SH3BP1: variants seen among roughly 807,000 people sequenced by gnomAD.
SH3BP1 encodes the protein SH3 domain-binding protein 1.
In SH3BP1, 46 loss-of-function variants were observed where a neutral mutation model predicts 69.8. The observed-to-expected ratio is 0.66, with a 90% CI of 0.52 to 0.84. The LOEUF is 0.84. Ranked by LOEUF, SH3BP1 falls within the 40% of genes least tolerant of loss-of-function variation. SH3BP1 has a pLI of 0.00. For synonymous variants in SH3BP1, 403 were observed against 378.0 expected (o/e 1.07, Z -0.77); for missense variants, 868 against 930.9 (o/e 0.93, Z 0.88).
In SH3BP1 at chr22:37,655,942, C is replaced by T. The variant is rs540967559; in HGVS notation, c.*258C>T. On this transcript the variant is annotated 3_prime_UTR_variant, in exon 18 of 18. Coordinates refer to ENST00000649765, the MANE Select transcript of SH3BP1 (RefSeq NM_018957.6). ...CTCCGGCAGGTCCTAGGGGAGCCAC[C>T]GGAAGGAAGGAGAGGTTTGCCTGCT... The T allele has an allele frequency of 6.4e-6, 10 of 1,561,596 alleles. No homozygotes were observed. Among genetic ancestry groups the T allele is most frequent in the Non-Finnish European group, 8.6e-6 (10 of 1,157,604 alleles).
chr22:37,643,215 G>A, intron 6 of SH3BP1, 41 bp downstream of exon 6: 1 of 1,542,240 alleles, frequency 6.5e-7, no homozygotes, highest in Non-Finnish European at 8.9e-7. Flanking sequence ...ATCTGGGTCA[G>A]CCCACAGAGA....
In SH3BP1 at chr22:37,655,375, T is replaced by C; in HGVS notation, c.1797T>C (p.Pro599=). Residue 599 remains proline, a synonymous_variant, in exon 18 of 18, where the codon CCT becomes CCC. Transcript: ENST00000649765. The part of the protein sequence containing the change: ...APPLPPGSGS[P]GTPQALPRRL... ...CCTTGCCCCCTGGCTCTGGCAGCCC[T>C]GGGACCCCCCAAGCCCTGCCCCGAC... The C allele has an allele frequency of 1.7e-6, 2 of 1,148,626 alleles. No individual in the cohort carries two copies. The highest frequency in any genetic ancestry group is 5.7e-5 in the East Asian group (1 of 17,694). 71.2% of individuals were successfully genotyped at this position (1,148,626 alleles called of 1,614,324 possible). A position where few individuals can be genotyped will look rare whatever the true frequency, so the allele number is the denominator to read the frequency against.
Position 37,639,841 on chromosome 22 carries a change from G to GGGAC in SH3BP1, c.57_59+1dup. On this transcript the variant is annotated frameshift_variant, in exon 1 of 18. Transcript: ENST00000649765. LOFTEE classifies it high-confidence loss of function. ...GGCAGCTGGCCCAGACGGGCAGCTT[G>GGGAC]GGACGGTGAGTGTCACCCGCTTCCA... The GGGAC allele has an allele frequency of 6.4e-7, 1 of 1,572,412 alleles. No individual in the cohort carries two copies. The highest frequency in any genetic ancestry group is 8.6e-7 in the Non-Finnish European group (1 of 1,161,404).
intron 16 of SH3BP1, among the ~76,000 whole-genome samples, chr22:37,650,973 G>C (rs571963436): frequency 6.6e-6 from 1 of 152,228 alleles, no homozygotes; most frequent in East Asian, 1.9e-4. Context: ...GCCAGGCTTT[G>C]TTTCCAGTCC....
rs1321553236 is a variant in SH3BP1 at position 37,648,671 on chromosome 22, G to A, written c.1316+236G>A. 2.0e-5 allele frequency: 9 copies of A among 460,404 alleles called. No individual in the cohort carries two copies. The East Asian group carries it at 3.1e-4, about 16-fold the overall frequency. 28.5% of individuals were successfully genotyped at this position (460,404 alleles called of 1,614,324 possible). A position where few individuals can be genotyped will look rare whatever the true frequency, so the allele number is the denominator to read the frequency against. ...GTGGTGATGAGGTGTTTAGTGGCAT[G>A]GGGGAGCTGGGAGCCCAGAGATCGG... is the stretch of plus-strand genomic sequence containing the variant. On this transcript the variant is annotated intron_variant, in intron 14 of 17. Transcript: ENST00000649765.
rs779076656 is a variant in SH3BP1 at position 37,645,391 on chromosome 22, C to T, written c.805C>T (p.His269Tyr). The T allele has an allele frequency of 3.1e-6, 5 of 1,611,330 alleles. No homozygotes were observed. The highest frequency in any genetic ancestry group is 3.4e-6 in the Non-Finnish European group (4 of 1,177,726). ...CCACTCCCCTTCGATGACAGCCACCCACTTCCCCAGGGTGTATGGGGTGTC... is the reference window on the plus strand; with the variant it reads ...CCACTCCCCTTCGATGACAGCCACCTACTTCCCCAGGGTGTATGGGGTGTC... ...ADHSPSMTAT[H>Y]FPRVYGVSLA... is the part of the protein sequence containing the mutation. The change falls in exon 10 of 18, where the codon CAC becomes TAC. Residue 269 changes from histidine (H) to tyrosine (Y), a missense_variant. Physicochemically the swap from His to Tyr is moderately conservative, Grantham distance 83. This residue lies in a region of SH3BP1 where 387 missense variants were observed against 447.9 expected (regional missense o/e 0.86). Transcript: ENST00000649765.
At chr22:37,648,498 T>C (rs1932822248) in intron 14 of SH3BP1, 63 bp downstream of exon 14, 2 of 1,146,942 alleles carry the variant, frequency 1.7e-6, no homozygotes, top group Non-Finnish European at 2.6e-6. Context: ...AACTATCTGT[T>C]GTCTATTTTT....
intron 6 of SH3BP1, chr22:37,643,435 T>C (rs1932686209): frequency 2.9e-6 from 2 of 700,246 alleles, no homozygotes; most frequent in African/African-American, 1.8e-5. Context: ...TGTTCTCCCC[T>C]CTGTGGAGTG....
intron 3 of SH3BP1, chr22:37,642,201 G>GC: frequency 5.8e-6 from 2 of 344,072 alleles, no homozygotes; most frequent in South Asian, 6.5e-5. Context: ...AGGGGAAAGA[G>GC]CTCCCGCTCC....
At chr22:37,641,573 G>C in intron 3 of SH3BP1, 95 bp downstream of exon 3, 1 of 1,054,964 alleles carries the variant, frequency 9.5e-7, no homozygotes, top group East Asian at 2.6e-5. Flanking sequence ...GCCAGTCTGA[G>C]TGTCTGGCAC....
At chr22:37,653,902 G>T in intron 17 of SH3BP1, 29 bp downstream of exon 17, 1 of 551,336 alleles carries the variant, frequency 1.8e-6, no homozygotes, top group Non-Finnish European at 3.5e-6. Context: ...GGGAGGAGGG[G>T]ACAGAGGGTG....
At chr22:37,645,084 A>G (rs1387704279) in intron 9 of SH3BP1, 124 bp downstream of exon 9, 10 of 946,032 alleles carry the variant, frequency 1.1e-5, no homozygotes, top group Non-Finnish European at 1.6e-5. Flanking sequence ...AGCTAGGCTC[A>G]ATCTGTGATG....
At chr22:37,647,236 G>C in intron 11 of SH3BP1, 31 bp from the exon 12 acceptor site, 1 of 1,598,524 alleles carries the variant, frequency 6.3e-7, no homozygotes, top group South Asian at 1.1e-5. Context: ...GGTGGGGGCT[G>C]CCTCTGACCC....
chr22:37,645,058 G>A (rs948220101), intron 9 of SH3BP1, 98 bp downstream of exon 9: 4 of 1,144,052 alleles, frequency 3.5e-6, no homozygotes, highest in Non-Finnish European at 5.1e-6. Flanking sequence ...GCAGGAAGCT[G>A]TGGATGGGTT....
intron 1 of SH3BP1, 25 bp downstream of exon 1, chr22:37,639,871 C>A: frequency 6.5e-7 from 1 of 1,542,376 alleles, no homozygotes; most frequent in East Asian, 2.6e-5. Flanking sequence ...CTTCCAGCCC[C>A]ACTCTTACCC....
At chr22:37,654,157 GC>G (rs1320643625) in intron 17 of SH3BP1, among the ~76,000 whole-genome samples, 1 of 152,178 alleles carries the variant, frequency 6.6e-6, no homozygotes, top group Non-Finnish European at 1.5e-5. Flanking sequence ...AGAGTGCCTG[GC>G]CCTGGCACAC....
In SH3BP1 at chr22:37,649,979, G is replaced by T. The variant is rs1358843715; in HGVS notation, c.1317-173G>T. On this transcript the variant is annotated intron_variant, in intron 14 of 17. Transcript: ENST00000649765. ...AGTGATGTCTGTCAGGGTGAAGGAA[G>T]GGGGACATTTGGCATGTGAGTGACA... 3.0e-5 allele frequency: 23 copies of T among 755,938 alleles called. No homozygotes were observed. The Admixed American group carries it at 4.4e-4, about 14-fold the overall frequency. The allele number at this position is 755,938 out of a possible 1,614,324, so 46.8% of individuals were successfully genotyped here.
At chr22:37,646,763 G>GTGTCC in intron 10 of SH3BP1, 55 bp from the exon 11 acceptor site, 1 of 1,127,092 alleles carries the variant, frequency 8.9e-7, no homozygotes, top group Non-Finnish European at 1.2e-6. Flanking sequence ...GTGCGCCAGG[G>GTGTCC]TGTCCTGCCC....
At chr22:37,647,144 C>T (rs749424926) in intron 11 of SH3BP1, 123 bp from the exon 12 acceptor site, 7 of 919,314 alleles carry the variant, frequency 7.6e-6, no homozygotes, top group Non-Finnish European at 1.2e-5. Context: ...AAAGGGCCTA[C>T]AGCCCAAAGA....
Sources: gnomAD v4.1 joint callset for allele counts (sites outside exome capture counted in the v4.1 genomes callset) on GRCh38, gnomAD v4.1.1 for gene constraint, gnomAD v4.1.1 regional missense constraint, MANE v1.5 for transcripts, NCBI Gene and HGNC (gene_info 2026-07-23, HGNC 2026-07-21) for gene names.